SLC16A5: variants seen among roughly 807,000 people sequenced by gnomAD.
SLC16A5 encodes solute carrier family 16 member 5, also known as monocarboxylate transporter 6.
Under a neutral mutation model 33.2 loss-of-function variants are expected in SLC16A5, and 29 were observed. The ratio of observed to expected loss-of-function variants is 0.87; its 90% confidence interval spans 0.65 to 1.19. The LOEUF (loss-of-function observed/expected upper bound fraction) is 1.19, where lower values mean the gene tolerates loss of function less well. Among genes scored for constraint, SLC16A5 ranks in the 50% most tolerant of loss-of-function variants. The pLI is 0.00. For missense variants in SLC16A5, 606 were observed against 678.2 expected (o/e 0.89, Z 1.18); for synonymous variants, 248 against 284.1 (o/e 0.87, Z 1.28).
At chr17:75,099,902 G>T in intron 4 of SLC16A5, 105 bp from the exon 5 acceptor site, 1 of 1,090,528 alleles carries the variant, frequency 9.2e-7, no homozygotes, top group Non-Finnish European at 1.3e-6. Context: ...GTATGGACTA[G>T]AACCAGAGGA....
intron 1 of SLC16A5, among the ~76,000 whole-genome samples, 198 bp downstream of exon 1, chr17:75,088,242 C>A (rs1431101440): frequency 1.3e-5 from 2 of 152,228 alleles, no homozygotes; most frequent in Non-Finnish European, 2.9e-5. Context: ...CCCGCAAGCC[C>A]AAGGGCGCTC....
chr17:75,099,137 T>G (rs1031088139), intron 4 of SLC16A5, among the ~76,000 whole-genome samples: 3 of 152,060 alleles, frequency 2.0e-5, no homozygotes, highest in African/African-American at 4.8e-5. Flanking sequence ...GCGTCTGAAC[T>G]GAGAGGAGAG....
Position 75,100,115 on chromosome 17 carries a change from G to A in SLC16A5, c.452G>A (p.Gly151Asp), listed in dbSNP as rs747539933. The stretch of plus-strand genomic sequence containing the variant: ...CTGGCCTCGATGGGCGTCTCCCTGG[G>A]CATCACCCTCTGGCCGCTGCTCTCC... ...NALASMGVSL[G>D]ITLWPLLSRY... The change falls in exon 5 of 7, where the codon GGC (glycine) becomes GAC (aspartate). Residue 151 changes from glycine to aspartate, a missense_variant. Transcript: ENST00000329783. 1.2e-6 allele frequency: 2 copies of A among 1,613,990 alleles called. No homozygotes were observed. Among genetic ancestry groups the A allele is most frequent in the African/African-American group, 2.7e-5 (2 of 74,936 alleles).
chr17:75,099,958 TGGAAGGCCC>T (rs2073768220), intron 4 of SLC16A5, 40 bp from the exon 5 acceptor site: 1 of 1,540,690 alleles, frequency 6.5e-7, no homozygotes, highest in Non-Finnish European at 8.8e-7. Context: ...TGGGTGCAGG[TGGAAGGCCC>T]CAGTGCGCCT....
At chr17:75,092,028 G>GTGTGTGTGTGT (rs1555644931) in intron 2 of SLC16A5, among the ~76,000 whole-genome samples, 4,226 of 149,652 alleles carry the variant, frequency 0.028, 149 homozygotes, top group African/African-American at 0.089. Flanking sequence ...ATGTGAGGGG[G>GTGTGTGTGTGT]GTGTGTGTGT....
chr17:75,105,930 G>A lies in SLC16A5; in HGVS notation c.1415G>A (p.Trp472Ter), dbSNP rs761187406. Residue 472 changes from tryptophan to a stop codon, truncating the protein, a stop_gained, in exon 7 of 7, where the codon TGG (tryptophan) becomes TAG (stop). Coordinates refer to ENST00000329783, the MANE Select transcript of SLC16A5 (RefSeq NM_004695.4). LOFTEE classifies it low-confidence loss of function (END_TRUNC). ...PRPAGVNKHL[W>*]GCPASSRTSH... ...CCAGCTGGCGTCAATAAGCATCTTTGGGGATGTCCTGCCTCCTCCAGGACC... is the reference window on the plus strand; with the variant it reads ...CCAGCTGGCGTCAATAAGCATCTTTAGGGATGTCCTGCCTCCTCCAGGACC... 2 of 1,611,844 alleles carry A rather than the reference G, an allele frequency of 1.2e-6. No homozygotes were observed. The highest frequency in any genetic ancestry group is 8.5e-7 in the Non-Finnish European group (1 of 1,178,540).
chr17:75,098,912 A>T (rs942529712), intron 4 of SLC16A5, among the ~76,000 whole-genome samples: 7 of 151,866 alleles, frequency 4.6e-5, no homozygotes, highest in African/African-American at 1.7e-4. Context: ...AAGGATAGGG[A>T]GGAGGTGTTG....
At chr17:75,090,865 G>C (rs938566984) in intron 2 of SLC16A5, among the ~76,000 whole-genome samples, 1 of 152,216 alleles carries the variant, frequency 6.6e-6, no homozygotes, top group Non-Finnish European at 1.5e-5. Flanking sequence ...TCCACTGAAA[G>C]GTTCCGGAGG....
intron 6 of SLC16A5, chr17:75,105,423 T>C (rs1427036099): frequency 1.0e-6 from 1 of 985,310 alleles, no homozygotes; most frequent in Non-Finnish European, 1.2e-6. Flanking sequence ...GAAGCTCTTT[T>C]ACTCCCCATT....
chr17:75,098,512 C>G (rs528252352), intron 4 of SLC16A5, among the ~76,000 whole-genome samples: 1 of 152,106 alleles, frequency 6.6e-6, no homozygotes, highest in Non-Finnish European at 1.5e-5. Flanking sequence ...GAGCCAAGAT[C>G]GCACCACTGT....
chr17:75,094,818 G>A (rs2073694478), intron 3 of SLC16A5, among the ~76,000 whole-genome samples: 1 of 152,188 alleles, frequency 6.6e-6, no homozygotes, highest in Non-Finnish European at 1.5e-5. Flanking sequence ...CCTTCTCCTG[G>A]CTCTGTCACC....
rs143194994 is a variant in SLC16A5 at position 75,093,815 on chromosome 17, C to G, written c.179C>G (p.Thr60Arg). Residue 60 changes from threonine to arginine, a missense_variant, in exon 3 of 7, where the codon ACG (threonine) becomes AGG (arginine). By Grantham distance (71) the Thr-to-Arg change is moderately conservative. Coordinates refer to ENST00000329783, the MANE Select transcript of SLC16A5 (RefSeq NM_004695.4). ...ACCTCTTGGTTCCCCTCCATCCTCACGGCTGTGCTCCACATGGCAGGTGAG... is the reference window on the plus strand; with the variant it reads ...ACCTCTTGGTTCCCCTCCATCCTCAGGGCTGTGCTCCACATGGCAGGTGAG... Reference protein sequence around the residue: ...SETSWFPSILTAVLHMAGPLC... With the variant: ...SETSWFPSILRAVLHMAGPLC... The G allele has an allele frequency of 1.9e-6, 3 of 1,614,074 alleles. No homozygotes were observed. The highest frequency in any genetic ancestry group is 2.2e-5 in the East Asian group (1 of 44,884).
chr17:75,094,971 C>T (rs185164912), intron 3 of SLC16A5, among the ~76,000 whole-genome samples: 4 of 152,316 alleles, frequency 2.6e-5, no homozygotes, highest in African/African-American at 9.6e-5. Context: ...CTCCTGGGAG[C>T]TCTCCAGGGA....
intron 1 of SLC16A5, 34 bp from the exon 2 acceptor site, chr17:75,089,117 A>G: frequency 6.6e-6 from 1 of 152,496 alleles, no homozygotes; most frequent in Non-Finnish European, 1.5e-5. Context: ...CCCAAAGCAC[A>G]CACCAGGCAG....
At chr17:75,106,437 C>G (rs67854613), downstream of SLC16A5, among the ~76,000 whole-genome samples, 1 of 151,846 alleles carries the variant, frequency 6.6e-6, no homozygotes, top group African/African-American at 2.4e-5. Flanking sequence ...GTAATGAGCC[C>G]ACTTCCTGAA....
chr17:75,088,434 G>A (rs2073596664), intron 1 of SLC16A5, among the ~76,000 whole-genome samples: 1 of 152,196 alleles, frequency 6.6e-6, no homozygotes, highest in African/African-American at 2.4e-5. Flanking sequence ...CCAAACCCTT[G>A]CTGGTTTTGC....
At chr17:75,092,632 T>C (rs2073655211) in intron 2 of SLC16A5, among the ~76,000 whole-genome samples, 1 of 152,042 alleles carries the variant, frequency 6.6e-6, no homozygotes, top group South Asian at 2.1e-4. Context: ...GCCAAGTGTG[T>C]GTCTTTATAT....
chr17:75,104,795 T>C (rs1047248336), intron 6 of SLC16A5: 46 of 985,214 alleles, frequency 4.7e-5, no homozygotes, highest in Non-Finnish European at 5.5e-5. Flanking sequence ...GAGCAGGCCC[T>C]CCGGACTTTT....
At chr17:75,092,853 GTGTGTGTT>G (rs1350250755) in intron 2 of SLC16A5, among the ~76,000 whole-genome samples, 1 of 148,396 alleles carries the variant, frequency 6.7e-6, no homozygotes, top group African/African-American at 2.5e-5. Flanking sequence ...GTGTGTGTGT[GTGTGTGTT>G]TATTATTCAG....
Sources: allele counts gnomAD v4.1 joint callset (sites outside exome capture counted in the v4.1 genomes callset), GRCh38; gene constraint gnomAD v4.1.1; transcripts MANE v1.5; gene names NCBI Gene and HGNC (gene_info 2026-07-23, HGNC 2026-07-21).